The following MYO6 variants were observed in gnomAD, a reference collection of about 807,000 sequenced individuals.
MYO6 encodes the protein unconventional myosin-VI.
MYO6 carries 74 observed loss-of-function variants against 178.7 expected under a neutral mutation model. The ratio of observed to expected loss-of-function variants is 0.41; its 90% CI spans 0.34 to 0.50. The LOEUF (loss-of-function observed/expected upper bound fraction) is 0.50, where lower values mean the gene tolerates loss of function less well. Among genes scored for constraint, MYO6 ranks in the 20% least tolerant of loss-of-function variants. The pLI is 0.09. For missense variants in MYO6, 1,330 were observed against 1,547.4 expected (o/e 0.86, Z 2.36); for synonymous variants, 477 against 504.6 (o/e 0.95, Z 0.73).
rs976786859 is a variant in MYO6 at position 75,801,497 on chromosome 6, T to C, written c.-47-16004T>C. Among the ~76,000 whole-genome samples the C allele has an allele frequency of 5.9e-5, 9 of 151,988 alleles. 1 individual carries two copies. The highest frequency in any genetic ancestry group is 1.2e-4 in the Non-Finnish European group (8 of 68,016). ...AAGACTGTATGGGCACAGATGCAGC[T>C]TGATATGTAGAGGTGGTGGTGAGAG... On this transcript the variant is annotated intron_variant, in intron 1 of 34. Coordinates refer to ENST00000369977, the MANE Select transcript of MYO6 (RefSeq NM_004999.4).
chr6:75,870,400 A>G (rs1057414340), intron 18 of MYO6, among the ~76,000 whole-genome samples: 11 of 152,096 alleles, frequency 7.2e-5, no homozygotes, highest in African/African-American at 2.7e-4. Context: ...TGTTTTTAAT[A>G]TTGCTAATTT....
chr6:75,807,136 C>T (rs1770184205), intron 1 of MYO6, among the ~76,000 whole-genome samples: 1 of 152,138 alleles, frequency 6.6e-6, no homozygotes, highest in South Asian at 2.1e-4. Context: ...TAATTTTCCT[C>T]CAGAATTTTA....
intron 1 of MYO6, among the ~76,000 whole-genome samples, chr6:75,787,366 A>AC (rs1767673587): frequency 6.6e-6 from 1 of 152,170 alleles, no homozygotes; most frequent in Admixed American, 6.6e-5. Context: ...ATCAACAGAT[A>AC]AGCAAATAAC....
At chr6:75,913,915 G>A in intron 33 of MYO6, 148 bp from the exon 34 acceptor site, 1 of 665,452 alleles carries the variant, frequency 1.5e-6, no homozygotes, top group Non-Finnish European at 2.5e-6. Flanking sequence ...TTATTAATTT[G>A]TAGGCAATAA....
chr6:75,873,753 G>C (rs542746737), intron 20 of MYO6, among the ~76,000 whole-genome samples: 4 of 152,274 alleles, frequency 2.6e-5, no homozygotes, highest in African/African-American at 7.2e-5. Flanking sequence ...TTCCACACAT[G>C]ATGGTCAGAA....
chr6:75,871,446 C>T lies in MYO6; in HGVS notation c.1983+761C>T, dbSNP rs1042042334. Among the ~76,000 whole-genome samples, 10 of 152,120 alleles carry T rather than the reference C, an allele frequency of 6.6e-5. No individual in the cohort carries two copies. The South Asian group carries it at 1.0e-3, about 16-fold the overall frequency. On this transcript the variant is annotated intron_variant, in intron 19 of 34. Coordinates refer to ENST00000369977, the MANE Select transcript of MYO6 (RefSeq NM_004999.4). ...TGTATTTTTTGTAGATATGAGGTTTCGCCATGTTTCCCAGGCTGTTCTTGA... is the reference window on the plus strand; with the variant it reads ...TGTATTTTTTGTAGATATGAGGTTTTGCCATGTTTCCCAGGCTGTTCTTGA...
At position 75,915,349 on chromosome 6, in the gene MYO6, A is replaced by G. The variant is rs1048040184; in HGVS notation, c.*337A>G. 2.8e-6 allele frequency: 1 copy of G among 355,526 alleles called. No individual in the cohort carries two copies. Among genetic ancestry groups the G allele is most frequent in the African/African-American group, 2.1e-5 (1 of 47,570 alleles). The allele number at this position is 355,526 out of a possible 1,614,324, so 22.0% of individuals were successfully genotyped here. On this transcript the variant is annotated 3_prime_UTR_variant, in exon 35 of 35. Transcript: ENST00000369977. ...CTAGGAAAAGAGAACTTTTTTCAAA[A>G]TTCAAAATACTTTTTAAGGATGGCA...
intron 2 of MYO6, among the ~76,000 whole-genome samples, chr6:75,818,647 C>T (rs2150171067): frequency 6.6e-6 from 1 of 152,276 alleles, no homozygotes; most frequent in African/African-American, 2.4e-5. Flanking sequence ...TACCATCCTT[C>T]TGGGAACCTT....
intron 1 of MYO6, among the ~76,000 whole-genome samples, chr6:75,812,963 A>G (rs996313386): frequency 6.6e-6 from 1 of 152,150 alleles, no homozygotes; most frequent in African/African-American, 2.4e-5. Flanking sequence ...AGTTCCTAGC[A>G]GTGGGATTGC....
chr6:75,771,355 C>T (rs1765881295), intron 1 of MYO6, among the ~76,000 whole-genome samples: 1 of 152,012 alleles, frequency 6.6e-6, no homozygotes, highest in East Asian at 1.9e-4. Flanking sequence ...TAGTGGCCTC[C>T]ACTAAATTGT....
At chr6:75,820,679 T>C (rs1001472349) in intron 2 of MYO6, among the ~76,000 whole-genome samples, 3 of 152,118 alleles carry the variant, frequency 2.0e-5, no homozygotes, top group Non-Finnish European at 4.4e-5. Flanking sequence ...CCAATCTCCA[T>C]ATCCTTTTGC....
chr6:75,805,002 C>CATATATATATATATATATATATAT (rs749031242), intron 1 of MYO6, among the ~76,000 whole-genome samples: 1 of 63,980 alleles, frequency 1.6e-5, no homozygotes, highest in African/African-American at 7.6e-5. Context: ...TACACACACA[C>CATATATATATATATATATATATAT]ATATATATAT....
chr6:75,759,356 A>G (rs1777750862), intron 1 of MYO6, among the ~76,000 whole-genome samples: 1 of 152,222 alleles, frequency 6.6e-6, no homozygotes, highest in Non-Finnish European at 1.5e-5. Flanking sequence ...TAGAGAACAA[A>G]CAAGTGTGGT....
chr6:75,885,360 C>T (rs992947489), intron 23 of MYO6, among the ~76,000 whole-genome samples: 2 of 152,102 alleles, frequency 1.3e-5, no homozygotes, highest in African/African-American at 4.8e-5. Flanking sequence ...ATGGCAAAAC[C>T]CTGGCTCGAA....
At chr6:75,841,747 A>G (rs891130946) in intron 9 of MYO6, among the ~76,000 whole-genome samples, 1 of 152,166 alleles carries the variant, frequency 6.6e-6, no homozygotes, top group Non-Finnish European at 1.5e-5. Context: ...ATCAAGCCTA[A>G]TACTTATTTT....
chr6:75,892,474 G>A, intron 27 of MYO6, 56 bp from the exon 28 acceptor site: 1 of 1,609,698 alleles, frequency 6.2e-7, no homozygotes, highest in Non-Finnish European at 8.5e-7. Flanking sequence ...AATAAGGGGA[G>A]TGATCAAGTA....
At position 75,817,514 on chromosome 6, in the gene MYO6, G is replaced by C. The variant is rs745835655; in HGVS notation, c.-34G>C. ...CCTTTGAAACAGGTGACAGTGGATA[G>C]TGGAAACAGGAGATCGTGGATCCTC... On this transcript the variant is annotated 5_prime_UTR_variant, in exon 2 of 35. Transcript: ENST00000369977. The C allele has an allele frequency of 1.2e-5, 18 of 1,543,632 alleles. No individual in the cohort carries two copies. In the South Asian group the frequency reaches 1.8e-4, roughly 15 times the overall value.
chr6:75,795,782 C>T (rs554507420), intron 1 of MYO6, among the ~76,000 whole-genome samples: 17 of 152,124 alleles, frequency 1.1e-4, no homozygotes, highest in Non-Finnish European at 1.6e-4. Flanking sequence ...TTTACTAATC[C>T]GGCACATTTG....
intron 1 of MYO6, among the ~76,000 whole-genome samples, chr6:75,814,939 A>G (rs1027112290): frequency 7.2e-5 from 11 of 152,262 alleles, no homozygotes; most frequent in African/African-American, 2.6e-4. Flanking sequence ...TGTGTGAACA[A>G]TTCATTCATT....
Sources: allele counts gnomAD v4.1 joint callset (sites outside exome capture counted in the v4.1 genomes callset), GRCh38; gene constraint gnomAD v4.1.1; transcripts MANE v1.5; gene names NCBI Gene and HGNC (gene_info 2026-07-23, HGNC 2026-07-21).